Variants in SPTBN4 observed in about 807,000 individuals in gnomAD.
The protein encoded by SPTBN4 is spectrin beta, non-erythrocytic 4, also known as spectrin beta chain, non-erythrocytic 4.
A neutral mutation model predicts 277.8 loss-of-function variants in SPTBN4; 96 were observed. The ratio of observed to expected loss-of-function variants is 0.35; its 90% CI spans 0.29 to 0.41. The LOEUF (loss-of-function observed/expected upper bound fraction) is 0.41, where lower values mean the gene tolerates loss of function less well. Among genes scored for constraint, SPTBN4 ranks in the 10% least tolerant of loss-of-function variants. SPTBN4 has a pLI of 1.00. For missense variants in SPTBN4, 3,006 were observed against 3,595.7 expected, an observed-to-expected ratio of 0.84 and a Z score of 4.19; for synonymous variants, 1,481 against 1,580.3, an observed-to-expected ratio of 0.94 and a Z score of 1.49.
chr19:40,567,033 C>A, intron 30 of SPTBN4: 1 of 436,438 alleles, frequency 2.3e-6, no homozygotes, highest in Non-Finnish European at 4.6e-6. Flanking sequence ...CACACCTGTA[C>A]TCTCTTTGGA....
rs760646745 is a variant in SPTBN4, at chr19:40,566,229, C to A, written c.6206C>A (p.Pro2069Gln). ...GATGCCTGGCTGACAGCCCAGGAGC[C>A]GCTCCTGCAGAGCCGGGAGCTGGGC... ...VADAWLTAQE[P>Q]LLQSRELGSS... The change falls in exon 30 of 36, where the codon CCG becomes CAG. Residue 2069 changes from proline (P) to glutamine (Q), a missense_variant. Physicochemically the swap from Pro to Gln is moderately conservative, Grantham distance 76. Transcript: ENST00000598249. 1 of 1,556,064 alleles carries A rather than the reference C, an allele frequency of 6.4e-7. No homozygotes were observed. Among genetic ancestry groups the A allele is most frequent in the African/African-American group, 1.4e-5 (1 of 73,614 alleles).
Position 40,568,107 on chromosome 19 carries a change from G to A in SPTBN4, c.6781G>A (p.Ala2261Thr). ...RQESVDQSEEAARRRRPERQE... is the reference protein window; with the variant it reads ...RQESVDQSEETARRRRPERQE... ...AGAGTCAGTCGATCAATCCGAGGAG[G>A]CTGCGCGGAGGCGGCGGCCGGAGCG... The change falls in exon 31 of 36, where the codon GCT becomes ACT. Residue 2261 changes from alanine (A) to threonine (T), a missense_variant. Ala to Thr is a moderately conservative substitution (Grantham distance 58). Transcript: ENST00000598249. The A allele has an allele frequency of 6.4e-7, 1 of 1,569,436 alleles. No homozygotes were observed.
chr19:40,537,037 T>A (rs2080745963), intron 20 of SPTBN4, among the ~76,000 whole-genome samples: 1 of 150,826 alleles, frequency 6.6e-6, no homozygotes, highest in Non-Finnish European at 1.5e-5. Flanking sequence ...TAAAACGGAG[T>A]CTGGCTCTGC....
chr19:40,557,441 C>G, intron 26 of SPTBN4, 38 bp downstream of exon 26: 1 of 1,517,528 alleles, frequency 6.6e-7, no homozygotes, highest in Non-Finnish European at 8.8e-7. Context: ...GTGGGAGGGC[C>G]TGGACAGCTG....
intron 1 of SPTBN4, 103 bp from the exon 2 acceptor site, chr19:40,472,504 A>T: frequency 9.2e-7 from 1 of 1,088,090 alleles, no homozygotes; most frequent in Middle Eastern, 2.1e-4. Context: ...GTCCACTTTA[A>T]AGACAGAGAA....
rs907562710 is a variant in SPTBN4, at chr19:40,568,807, G to A, written c.6956+525G>A. On this transcript the variant is annotated intron_variant, in intron 31 of 35. Coordinates refer to ENST00000598249, the MANE Select transcript of SPTBN4 (RefSeq NM_020971.3). ...CAGAATCCAGAGTTGGCCAGTGTGT[G>A]TTGTGCAGATCTGTCCAGTCAGCTG... Among the ~76,000 whole-genome samples, 4 of 152,256 alleles carry A rather than the reference G, an allele frequency of 2.6e-5. 1 individual carries two copies. Among genetic ancestry groups the A allele is most frequent in the South Asian group, 4.1e-4 (2 of 4,834 alleles).
At chr19:40,549,592 G>A (rs182398200) in intron 21 of SPTBN4, among the ~76,000 whole-genome samples, 179 bp downstream of exon 21, 1 of 152,314 alleles carries the variant, frequency 6.6e-6, no homozygotes, top group Admixed American at 6.5e-5. Context: ...TGAATCATTC[G>A]TTGATTTATT....
At chr19:40,544,507 G>T (rs2080838482) in intron 20 of SPTBN4, among the ~76,000 whole-genome samples, 1 of 141,044 alleles carries the variant, frequency 7.1e-6, no homozygotes, top group Non-Finnish European at 1.5e-5. Context: ...GAGTGCAGTG[G>T]CATGATCTCG....
rs142689135 is a variant in SPTBN4, at chr19:40,572,117, C to T, written c.7418C>T (p.Pro2473Leu). 92 of 1,612,690 alleles carry T rather than the reference C, an allele frequency of 5.7e-5. No homozygotes were observed. Among genetic ancestry groups the T allele is most frequent in the Non-Finnish European group, 6.9e-5 (81 of 1,179,488 alleles). ...PASGSTHGGE[P>L]LLSLHKATSE... is the part of the protein sequence containing the mutation. ...TCCGGGAGCACACACGGTGGGGAAC[C>T]GCTGCTCAGCCTGCACAAGGCCACC... is the stretch of plus-strand genomic sequence containing the variant. The change falls in exon 34 of 36, where the codon CCG (proline) becomes CTG (leucine). Residue 2473 changes from proline to leucine, a missense_variant. Coordinates refer to ENST00000598249, the MANE Select transcript of SPTBN4 (RefSeq NM_020971.3).
At chr19:40,509,493 C>G (rs1411892999) in intron 13 of SPTBN4, among the ~76,000 whole-genome samples, 1 of 152,164 alleles carries the variant, frequency 6.6e-6, no homozygotes, top group African/African-American at 2.4e-5. Context: ...GATCTGCCCG[C>G]TTTGTCTTCC....
rs926364957 is a variant in SPTBN4, at chr19:40,570,616, G to A, written c.7207G>A (p.Ala2403Thr). 8.9e-6 allele frequency: 13 copies of A among 1,456,472 alleles called. No homozygotes were observed. Among genetic ancestry groups the A allele is most frequent in the Non-Finnish European group, 1.2e-5 (13 of 1,103,892 alleles). 90.2% of individuals were successfully genotyped at this position (1,456,472 alleles called of 1,614,324 possible). ...GGSRRSRSAPAQGGSAPAPPP... is the reference protein window; with the variant it reads ...GGSRRSRSAPTQGGSAPAPPP... ...AAGCCGGCGCTCGCGCTCCGCCCCGGCCCAGGGCGGCTCCGCCCCCGCGCC... is the reference window on the plus strand; with the variant it reads ...AAGCCGGCGCTCGCGCTCCGCCCCGACCCAGGGCGGCTCCGCCCCCGCGCC... Residue 2403 changes from alanine (A) to threonine (T), a missense_variant, in exon 33 of 36, where the codon GCC becomes ACC. Ala to Thr is a moderately conservative substitution (Grantham distance 58, BLOSUM62 0). Transcript: ENST00000598249.
chr19:40,523,289 C>A, intron 16 of SPTBN4, 148 bp from the exon 17 acceptor site: 1 of 722,726 alleles, frequency 1.4e-6, no homozygotes, highest in Non-Finnish European at 2.2e-6. Flanking sequence ...GAAGCACCAG[C>A]ATGGGCAACA....
In SPTBN4 at chr19:40,503,995, C is replaced by T. The variant is rs755189410; in HGVS notation, c.1528C>T (p.Arg510Cys). Residue 510 changes from arginine (R) to cysteine (C), a missense_variant, in exon 12 of 36, where the codon CGT becomes TGT. By Grantham distance (180) the Arg-to-Cys change is radical. Coordinates refer to ENST00000598249, the MANE Select transcript of SPTBN4 (RefSeq NM_020971.3). Reference sequence around the variant, plus strand: ...CGATATCCGGCGGGTGGCAGCCCAGCGTGACAGCGTCCTGCGCCAGTGGGC... The same window carrying T: ...CGATATCCGGCGGGTGGCAGCCCAGTGTGACAGCGTCCTGCGCCAGTGGGC... ...YYDIRRVAAQ[R>C]DSVLRQWALL... 9.9e-6 allele frequency: 16 copies of T among 1,613,868 alleles called. No individual in the cohort carries two copies. The African/African-American group carries it at 1.2e-4, about 12-fold the overall frequency.
Position 40,570,530 on chromosome 19 carries a change from C to CGCGGGACCGGCCCAAGCCGCGACG in SPTBN4, c.7126_7149dup (p.Asp2376_Arg2383dup). ...ACACCTCGGCCGGACCGGCCCCGGG[C>CGCGGGACCGGCCCAAGCCGCGACG]GCGGGACCGGCCCAAGCCGCGACGG... On this transcript the variant is annotated inframe_insertion, in exon 33 of 36. Transcript: ENST00000598249. 1 of 1,440,428 alleles carries CGCGGGACCGGCCCAAGCCGCGACG rather than the reference C, an allele frequency of 6.9e-7. No homozygotes were observed. The highest frequency in any genetic ancestry group is 9.1e-7 in the Non-Finnish European group (1 of 1,100,856). 89.2% of individuals were successfully genotyped at this position (1,440,428 alleles called of 1,614,324 possible).
In SPTBN4 at chr19:40,493,059, G is replaced by C; in HGVS notation, c.587+5G>C. The C allele has an allele frequency of 6.2e-7, 1 of 1,613,964 alleles. No individual in the cohort carries two copies. On this transcript the variant is annotated splice_donor_5th_base_variant and intron_variant, in intron 5 of 35. Coordinates refer to ENST00000598249, the MANE Select transcript of SPTBN4 (RefSeq NM_020971.3). The stretch of plus-strand genomic sequence containing the variant: ...GTGTCAGATGAAGACAGCTGGGTAA[G>C]CACCCCCACCACCTTCCTTAGGAGG...
At chr19:40,475,949 G>A (rs950023983) in intron 2 of SPTBN4, among the ~76,000 whole-genome samples, 6 of 152,070 alleles carry the variant, frequency 3.9e-5, no homozygotes, top group Non-Finnish European at 8.8e-5. Flanking sequence ...AACAGGCTGA[G>A]GTGGGAGAAT....
At position 40,504,152 on chromosome 19, in the gene SPTBN4, G is replaced by GGCGCCC; in HGVS notation, c.1665+20_1665+21insGCGCCC. 1 of 877,204 alleles carries GGCGCCC rather than the reference G, an allele frequency of 1.1e-6. No individual in the cohort carries two copies. The highest frequency in any genetic ancestry group is 1.8e-6 in the Non-Finnish European group (1 of 566,482). The allele number at this position is 877,204 out of a possible 1,614,324, so 54.3% of individuals were successfully genotyped here. A position where few individuals can be genotyped will look rare whatever the true frequency, so the allele number is the denominator to read the frequency against. On this transcript the variant is annotated intron_variant, in intron 12 of 35. Transcript: ENST00000598249. ...ATGCAGGTGCCGGCGGGGGGGCGGG[G>GGCGCCC]ATGCGGGTGGAGTGCCAGGAGGGAG...
Position 40,523,428 on chromosome 19 carries a change from C to T in SPTBN4, c.3655-9C>T. The T allele has an allele frequency of 6.3e-7, 1 of 1,590,626 alleles. No homozygotes were observed. Among genetic ancestry groups the T allele is most frequent in the Non-Finnish European group, 8.6e-7 (1 of 1,167,384 alleles). ...GGCTGACCTTTGCACCACGCTCCCT[C>T]CTCCCCAGGAGATGGCGCTGTCTGG... On this transcript the variant is annotated splice_polypyrimidine_tract_variant and intron_variant, in intron 16 of 35. Transcript: ENST00000598249.
chr19:40,487,427 G>C (rs111678797), intron 2 of SPTBN4, among the ~76,000 whole-genome samples: 50,498 of 150,338 alleles, frequency 0.34, 11,062 homozygotes, highest in African/African-American at 0.63. Context: ...CTCACTGCAG[G>C]CTCCACCTCC....
Sources: gnomAD v4.1 joint callset for allele counts (sites outside exome capture counted in the v4.1 genomes callset) on GRCh38, gnomAD v4.1.1 for gene constraint, MANE v1.5 for transcripts, NCBI Gene and HGNC (gene_info 2026-07-23, HGNC 2026-07-21) for gene names.